CPB2: variants seen among roughly 807,000 people sequenced by gnomAD.
CPB2 encodes carboxypeptidase B-like protein.
CPB2 carries 54 observed loss-of-function variants against 57.0 expected under a neutral mutation model. That is an observed-to-expected ratio of 0.95 (90% CI 0.76 to 1.19). The LOEUF is 1.19. Ranked by LOEUF, CPB2 falls within the 50% of genes most tolerant of loss-of-function variation. The pLI, the probability that CPB2 is intolerant of heterozygous loss-of-function variation, is 0.00. For missense variants in CPB2, 426 were observed against 512.0 expected (o/e 0.83, Z 1.62); for synonymous variants, 189 against 178.1 (o/e 1.06, Z -0.49).
In CPB2 at chr13:46,064,680, A is replaced by G. The variant is rs1340068076; in HGVS notation, c.764T>C (p.Leu255Pro). The G allele has an allele frequency of 6.2e-7, 1 of 1,614,172 alleles. No homozygotes were observed. The highest frequency in any genetic ancestry group is 8.5e-7 in the Non-Finnish European group (1 of 1,179,996). The change falls in exon 8 of 11, where the codon CTG (leucine) becomes CCG (proline). Residue 255 changes from leucine to proline, a missense_variant. By Grantham distance (98) the Leu-to-Pro change is moderately conservative. Coordinates refer to ENST00000181383, the MANE Select transcript of CPB2 (RefSeq NM_001872.5). Reference protein sequence around the residue: ...YANNHCIGTDLNRNFASKHWC... With the variant: ...YANNHCIGTDPNRNFASKHWC... The stretch of plus-strand genomic sequence containing the variant: ...GTGTTTGGAAGCAAAGTTCCTATTC[A>G]GGTCTGTTCCGATGCAATGATTGTT...
At chr13:46,091,954 T>TACC (rs1288473885) in intron 1 of CPB2, among the ~76,000 whole-genome samples, 1 of 152,262 alleles carries the variant, frequency 6.6e-6, no homozygotes, top group Non-Finnish European at 1.5e-5. Context: ...GTTTCCAGTA[T>TACC]ACCACTGAGT....
In CPB2 at chr13:46,073,906, G is replaced by A. The variant is rs1261730825; in HGVS notation, c.558C>T (p.Ile186=). ...TGAACCACAAGCAGAAAGCAGGAGA[G>A]ATCCATTCTCTGGCATGGATTCCAC... ...IDCGIHAREW[I]SPAFCLWFIG... The change falls in exon 6 of 11, where the codon ATC becomes ATT. Residue 186 remains isoleucine, a synonymous_variant. Coordinates refer to ENST00000181383, the MANE Select transcript of CPB2 (RefSeq NM_001872.5). 8 of 1,588,794 alleles carry A rather than the reference G, an allele frequency of 5.0e-6. No homozygotes were observed. In the Admixed American group the frequency reaches 8.4e-5, roughly 17 times the overall value.
At chr13:46,069,908 G>A in intron 6 of CPB2, among the ~76,000 whole-genome samples, 1 of 152,112 alleles carries the variant, frequency 6.6e-6, no homozygotes, top group East Asian at 1.9e-4. Flanking sequence ...CTTCCACATT[G>A]TTTTTCAAAG....
At position 46,084,201 on chromosome 13, in the gene CPB2, G is replaced by A. The variant is rs534643640; in HGVS notation, c.275+18C>T. 54 of 1,613,572 alleles carry A rather than the reference G, an allele frequency of 3.3e-5. 1 individual carries two copies. Among genetic ancestry groups the A allele is most frequent in the South Asian group, 2.1e-4 (19 of 91,034 alleles). On this transcript the variant is annotated intron_variant, in intron 3 of 10. Coordinates refer to ENST00000181383, the MANE Select transcript of CPB2 (RefSeq NM_001872.5). Reference sequence around the variant, plus strand: ...AGTGTTTATAATAACTACTCAATACGTATTGAACGGTGCCTACCTGCATGG... The same window carrying A: ...AGTGTTTATAATAACTACTCAATACATATTGAACGGTGCCTACCTGCATGG...
chr13:46,078,953 C>T, intron 4 of CPB2, 52 bp from the exon 5 acceptor site: 4 of 1,161,284 alleles, frequency 3.4e-6, no homozygotes, highest in African/African-American at 3.0e-5. Context: ...CAAAGCATTT[C>T]CCTGACCAAA....
chr13:46,065,078 T>G (rs766642904), intron 7 of CPB2, among the ~76,000 whole-genome samples: 2 of 152,244 alleles, frequency 1.3e-5, no homozygotes, highest in African/African-American at 2.4e-5. Context: ...ATTAATTTTA[T>G]GCACAGGGTC....
chr13:46,072,529 A>G (rs914238437), intron 6 of CPB2, among the ~76,000 whole-genome samples: 17 of 152,286 alleles, frequency 1.1e-4, no homozygotes, highest in African/African-American at 4.1e-4. Flanking sequence ...CTTGGGCTAT[A>G]TTTTGTTCAT....
chr13:46,075,328 C>T (rs1435470338), intron 5 of CPB2, among the ~76,000 whole-genome samples: 3 of 152,204 alleles, frequency 2.0e-5, no homozygotes, highest in Non-Finnish European at 2.9e-5. Flanking sequence ...CGTTACTTTA[C>T]TTGACCTTTC....
intron 1 of CPB2, among the ~76,000 whole-genome samples, chr13:46,094,592 CG>C (rs967597117): frequency 2.6e-4 from 40 of 152,156 alleles, no homozygotes; most frequent in Middle Eastern, 3.4e-3. Flanking sequence ...AGAAGCCAGG[CG>C]GGAGGGCTTA....
chr13:46,088,347 G>A (rs1009397103), intron 1 of CPB2, among the ~76,000 whole-genome samples: 6 of 152,088 alleles, frequency 3.9e-5, no homozygotes, highest in Non-Finnish European at 2.9e-5. Flanking sequence ...TTAAACACAT[G>A]TATGTGTGAA....
intron 5 of CPB2, among the ~76,000 whole-genome samples, chr13:46,075,556 T>C (rs1312968184): frequency 6.6e-6 from 1 of 152,200 alleles, no homozygotes; most frequent in East Asian, 1.9e-4. Flanking sequence ...TATGCCATGA[T>C]ACATGGATCC....
chr13:46,074,180 A>T (rs1164798286), intron 5 of CPB2, among the ~76,000 whole-genome samples: 2 of 152,154 alleles, frequency 1.3e-5, no homozygotes, highest in Non-Finnish European at 2.9e-5. Flanking sequence ...AGCTGGTGTG[A>T]ATTGAAACTG....
intron 1 of CPB2, chr13:46,099,854 G>C (rs1037274761): frequency 6.6e-6 from 1 of 152,060 alleles, no homozygotes; most frequent in Non-Finnish European, 1.5e-5. Context: ...GTGAAACCCT[G>C]TCTTTACTAA....
chr13:46,063,373 G>T (rs561965352), intron 8 of CPB2, among the ~76,000 whole-genome samples: 1 of 152,054 alleles, frequency 6.6e-6, no homozygotes, highest in Non-Finnish European at 1.5e-5. Context: ...CTTTATGTCT[G>T]TGTATACTCA....
Position 46,084,272 on chromosome 13 carries a change from T to C in CPB2, c.222A>G (p.Ala74=), listed in dbSNP as rs2045164807. ...KKKQVHFFVN[A]SDVDNVKAHL... ...GGGCTTTCACATTGTCGACATCAGA[T>C]GCATTTACAAAAAAATGGACTTGTT... Residue 74 remains alanine (A), a synonymous_variant, in exon 3 of 11, where the codon GCA becomes GCG. Coordinates refer to ENST00000181383, the MANE Select transcript of CPB2 (RefSeq NM_001872.5). 1 of 1,614,210 alleles carries C rather than the reference T, an allele frequency of 6.2e-7. No individual in the cohort carries two copies. Among genetic ancestry groups the C allele is most frequent in the Non-Finnish European group, 8.5e-7 (1 of 1,180,028 alleles).
At chr13:46,071,472 G>A (rs1306313699) in intron 6 of CPB2, among the ~76,000 whole-genome samples, 1 of 152,174 alleles carries the variant, frequency 6.6e-6, no homozygotes, top group Non-Finnish European at 1.5e-5. Context: ...CTAAAGAGGA[G>A]TTGAGATGAG....
At chr13:46,097,659 A>G (rs1170592708) in intron 1 of CPB2, among the ~76,000 whole-genome samples, 4 of 152,302 alleles carry the variant, frequency 2.6e-5, no homozygotes, top group Non-Finnish European at 5.9e-5. Flanking sequence ...TGAAATAAAA[A>G]TGGTTTGTTG....
intron 1 of CPB2, among the ~76,000 whole-genome samples, chr13:46,088,099 T>C (rs1345535870): frequency 6.6e-6 from 1 of 152,228 alleles, no homozygotes; most frequent in Non-Finnish European, 1.5e-5. Context: ...TGTGTTTTAA[T>C]TTTAAAAATT....
intron 7 of CPB2, among the ~76,000 whole-genome samples, chr13:46,066,492 TA>T (rs1326046055): frequency 5.9e-5 from 9 of 152,152 alleles, no homozygotes; most frequent in Non-Finnish European, 1.0e-4. Flanking sequence ...AAAAGACATA[TA>T]AACCAATCAT....
Sources: gnomAD v4.1 joint callset for allele counts (sites outside exome capture counted in the v4.1 genomes callset) on GRCh38, gnomAD v4.1.1 for gene constraint, MANE v1.5 for transcripts, NCBI Gene and HGNC (gene_info 2026-07-23, HGNC 2026-07-21) for gene names.